CAMK2D: variants seen among roughly 807,000 people sequenced by gnomAD.
CAMK2D encodes calcium/calmodulin-dependent protein kinase type II subunit delta.
A neutral mutation model predicts 84.0 loss-of-function variants in CAMK2D; 37 were observed. The observed-to-expected ratio is 0.44, with a 90% confidence interval of 0.34 to 0.58. The LOEUF is 0.58. Ranked by LOEUF, CAMK2D falls within the 20% of genes least tolerant of loss-of-function variation. The pLI, the probability that CAMK2D is intolerant of heterozygous loss-of-function variation, is 0.02. For synonymous variants in CAMK2D, 202 were observed against 212.5 expected (o/e 0.95, Z 0.43); for missense variants, 448 against 652.5 (o/e 0.69, Z 3.41).
intron 5 of CAMK2D, among the ~76,000 whole-genome samples, chr4:113,549,579 A>G (rs954679585): frequency 3.3e-5 from 5 of 152,204 alleles, no homozygotes; most frequent in African/African-American, 1.2e-4. Context: ...TTTGGCACCT[A>G]TAAGGTCCTG....
Position 113,575,757 on chromosome 4 carries a change from C to G in CAMK2D, c.276-23661G>C, listed in dbSNP as rs538116137. 7.9e-5 allele frequency among the ~76,000 whole-genome samples: 12 copies of G among 152,086 alleles called. No homozygotes were observed. The South Asian group carries it at 2.5e-3, about 32-fold the overall frequency. ...GTTTCTAATTGCCTAAATGCTTGGACATTAGATTATAAAACCTGTTAAAAT... is the reference window on the plus strand; with the variant it reads ...GTTTCTAATTGCCTAAATGCTTGGAGATTAGATTATAAAACCTGTTAAAAT... On this transcript the variant is annotated intron_variant, in intron 4 of 20. Coordinates refer to ENST00000511664, the MANE Select transcript of CAMK2D (RefSeq NM_001321571.2).
chr4:113,755,037 C>T (rs548954209), intron 2 of CAMK2D: 329 of 984,426 alleles, frequency 3.3e-4, no homozygotes, highest in Middle Eastern at 1.0e-3. Flanking sequence ...GTTCTACTTC[C>T]AATTCAAGAC....
At chr4:113,577,136 T>C (rs1156795782) in intron 4 of CAMK2D, among the ~76,000 whole-genome samples, 1 of 152,182 alleles carries the variant, frequency 6.6e-6, no homozygotes, top group Admixed American at 6.6e-5. Flanking sequence ...GGTTTTCACA[T>C]TTGAGAATTT....
intron 16 of CAMK2D, among the ~76,000 whole-genome samples, chr4:113,490,619 G>C (rs910539013): frequency 1.3e-5 from 2 of 151,506 alleles, no homozygotes; most frequent in Admixed American, 1.3e-4. Context: ...CTGACTTGGC[G>C]ATGCGGGCTC....
chr4:113,572,701 A>G (rs770804264), intron 4 of CAMK2D, among the ~76,000 whole-genome samples: 50 of 152,222 alleles, frequency 3.3e-4, no homozygotes, highest in Non-Finnish European at 6.2e-4. Flanking sequence ...AAATTAGTTC[A>G]ATCATTGTGG....
chr4:113,584,453 G>A (rs1206556265), intron 4 of CAMK2D, among the ~76,000 whole-genome samples: 2 of 152,166 alleles, frequency 1.3e-5, no homozygotes, highest in African/African-American at 4.8e-5. Context: ...GGCCTTCTTG[G>A]TTTATGCAGG....
chr4:113,754,534 T>C, intron 2 of CAMK2D: 1 of 964,672 alleles, frequency 1.0e-6, no homozygotes, highest in Non-Finnish European at 1.2e-6. Context: ...TTAATCTAAT[T>C]GTCTAAACAA....
At chr4:113,590,443 C>G (rs1033707627) in intron 4 of CAMK2D, among the ~76,000 whole-genome samples, 1 of 152,110 alleles carries the variant, frequency 6.6e-6, no homozygotes, top group African/African-American at 2.4e-5. Flanking sequence ...CCCATCCTCC[C>G]TTTTAACAAG....
intron 2 of CAMK2D, among the ~76,000 whole-genome samples, chr4:113,729,576 T>C (rs1180187331): frequency 6.6e-6 from 1 of 152,222 alleles, no homozygotes; most frequent in African/African-American, 2.4e-5. Context: ...CAGAGAAACT[T>C]TTCCTGGTCA....
intron 12 of CAMK2D, among the ~76,000 whole-genome samples, chr4:113,512,259 T>C (rs970846964): frequency 6.6e-6 from 1 of 152,196 alleles, no homozygotes. Context: ...AGACAATCTA[T>C]CAAAGAAGGA....
At chr4:113,456,210 T>A (rs1297855242) in intron 19 of CAMK2D, among the ~76,000 whole-genome samples, 1 of 152,166 alleles carries the variant, frequency 6.6e-6, no homozygotes, top group Non-Finnish European at 1.5e-5. Flanking sequence ...GCTACCAAAC[T>A]AAGAAATCAT....
In CAMK2D at chr4:113,761,252, A is replaced by G; in HGVS notation, c.-184T>C. 6.8e-7 allele frequency: 1 copy of G among 1,462,344 alleles called. No homozygotes were observed. The highest frequency in any genetic ancestry group is 9.0e-7 in the Non-Finnish European group (1 of 1,109,630). 90.6% of individuals were successfully genotyped at this position (1,462,344 alleles called of 1,614,324 possible). On this transcript the variant is annotated 5_prime_UTR_variant, in exon 1 of 21. Transcript: ENST00000511664. ...GGGGCGGGAGGGGAGATGACCAGAAAGGGTGGCGTGGGGTCTCCTCCCCAC... is the reference window on the plus strand; with the variant it reads ...GGGGCGGGAGGGGAGATGACCAGAAGGGGTGGCGTGGGGTCTCCTCCCCAC...
At chr4:113,476,463 C>T (rs967128167) in intron 16 of CAMK2D, among the ~76,000 whole-genome samples, 2 of 151,990 alleles carry the variant, frequency 1.3e-5, no homozygotes, top group African/African-American at 4.8e-5. Context: ...CTTGCTCATT[C>T]CTGGGTGTAA....
chr4:113,627,445 C>T (rs1304569137), intron 3 of CAMK2D, among the ~76,000 whole-genome samples: 1 of 152,126 alleles, frequency 6.6e-6, no homozygotes, highest in Non-Finnish European at 1.5e-5. Flanking sequence ...CTAGTCACAA[C>T]ATTTCTGTCA....
At chr4:113,760,040 T>C (rs1313296809) in intron 1 of CAMK2D, among the ~76,000 whole-genome samples, 3 of 152,188 alleles carry the variant, frequency 2.0e-5, no homozygotes, top group African/African-American at 7.2e-5. Flanking sequence ...TACCTTTCCT[T>C]TAATTACAGT....
chr4:113,495,615 A>G (rs2097917740), intron 16 of CAMK2D, among the ~76,000 whole-genome samples: 1 of 152,212 alleles, frequency 6.6e-6, no homozygotes, highest in Non-Finnish European at 1.5e-5. Context: ...AGGTCATCAA[A>G]CATGAATCAC....
intron 2 of CAMK2D, among the ~76,000 whole-genome samples, chr4:113,718,424 A>G (rs565433843): frequency 3.8e-4 from 58 of 152,284 alleles, no homozygotes; most frequent in Non-Finnish European, 7.1e-4. Context: ...CAGTTTGTCA[A>G]TCTAAGTGAT....
intron 2 of CAMK2D, among the ~76,000 whole-genome samples, chr4:113,664,997 T>C (rs1010751114): frequency 6.6e-6 from 1 of 152,194 alleles, no homozygotes; most frequent in African/African-American, 2.4e-5. Flanking sequence ...AGAGATGTGG[T>C]TTCACCATGT....
intron 16 of CAMK2D, among the ~76,000 whole-genome samples, chr4:113,476,707 T>C (rs1293295327): frequency 6.6e-6 from 1 of 152,244 alleles, no homozygotes; most frequent in Non-Finnish European, 1.5e-5. Flanking sequence ...TCAGGAGTCA[T>C]GTACCTGGAG....
Sources: allele counts gnomAD v4.1 joint callset (sites outside exome capture counted in the v4.1 genomes callset), GRCh38; gene constraint gnomAD v4.1.1; transcripts MANE v1.5; gene names NCBI Gene and HGNC (gene_info 2026-07-23, HGNC 2026-07-21).